Variants in ZFC3H1 observed in about 807,000 individuals in gnomAD.
ZFC3H1 encodes zinc finger C3H1-type containing.
Under a neutral mutation model 243.7 loss-of-function variants are expected in ZFC3H1, and 71 were observed. The observed-to-expected ratio is 0.29, with a 90% confidence interval of 0.24 to 0.36. The LOEUF (loss-of-function observed/expected upper bound fraction) is 0.36. ZFC3H1 is among the 10% of genes least tolerant of loss of function. ZFC3H1 has a pLI of 1.00. For synonymous variants in ZFC3H1, 838 were observed against 813.0 expected, an observed-to-expected ratio of 1.03 and a Z score of -0.52; for missense variants, 1,966 against 2,317.1, an observed-to-expected ratio of 0.85 and a Z score of 3.11.
rs545838078 is a variant in ZFC3H1, at chr12:71,663,292, T to G, written c.319A>C (p.Lys107Gln). The G allele has an allele frequency of 6.2e-6, 10 of 1,613,360 alleles. No homozygotes were observed. The African/African-American group carries it at 1.2e-4, about 19-fold the overall frequency. Reference protein sequence around the residue: ...HLRGPSSYRPKEPFRSHPPSV... With the variant: ...HLRGPSSYRPQEPFRSHPPSV... Reference sequence around the variant, plus strand: ...GGCGGATGAGACCGGAACGGTTCTTTGGGTCGGTAGCTGCTGGGTCCCCTG... The same window carrying G: ...GGCGGATGAGACCGGAACGGTTCTTGGGGTCGGTAGCTGCTGGGTCCCCTG... Residue 107 changes from lysine to glutamine, a missense_variant, in exon 1 of 35, where the codon AAA becomes CAA. By Grantham distance (53) the Lys-to-Gln change is moderately conservative. This residue lies in a region of ZFC3H1 where 484 missense variants were observed against 449.7 expected (regional missense o/e 1.08). Coordinates refer to ENST00000378743, the MANE Select transcript of ZFC3H1 (RefSeq NM_144982.5).
At chr12:71,658,223 G>A (rs751045618) in intron 1 of ZFC3H1, among the ~76,000 whole-genome samples, 6 of 150,810 alleles carry the variant, frequency 4.0e-5, no homozygotes, top group Non-Finnish European at 7.4e-5. Flanking sequence ...ATTTTTCCAG[G>A]CCAGATATTA....
chr12:71,627,167 T>C (rs923630859), intron 21 of ZFC3H1, among the ~76,000 whole-genome samples: 1 of 152,052 alleles, frequency 6.6e-6, no homozygotes, highest in Non-Finnish European at 1.5e-5. Flanking sequence ...TATAAAGTTA[T>C]AATTATGAAA....
intron 23 of ZFC3H1, 138 bp downstream of exon 23, chr12:71,623,966 G>T: frequency 1.2e-6 from 1 of 839,894 alleles, no homozygotes; most frequent in Non-Finnish European, 1.8e-6. Flanking sequence ...AATGTCACAT[G>T]ACTTACTAGT....
At chr12:71,628,891 T>A (rs1249968949) in intron 20 of ZFC3H1, 27 bp downstream of exon 20, 20 of 1,567,248 alleles carry the variant, frequency 1.3e-5, no homozygotes, top group African/African-American at 2.8e-5. Context: ...TTAATAATTC[T>A]GGATCTTAAA....
At chr12:71,661,606 C>A (rs1360173292) in intron 1 of ZFC3H1, among the ~76,000 whole-genome samples, 1 of 151,722 alleles carries the variant, frequency 6.6e-6, no homozygotes, top group Non-Finnish European at 1.5e-5. Flanking sequence ...CTCAGCCTCC[C>A]GGGTAGCTGG....
intron 1 of ZFC3H1, among the ~76,000 whole-genome samples, chr12:71,662,683 TATAAAACAC>T (rs1411297604): frequency 3.3e-5 from 5 of 152,182 alleles, no homozygotes; most frequent in African/African-American, 1.2e-4. Context: ...GTCAACTTCA[TATAAAACAC>T]AAAGTTTCTG....
At chr12:71,653,117 C>A (rs1039382018) in intron 2 of ZFC3H1, among the ~76,000 whole-genome samples, 1 of 151,928 alleles carries the variant, frequency 6.6e-6, no homozygotes, top group Non-Finnish European at 1.5e-5. Flanking sequence ...ACAAAACAGA[C>A]CTATGGTTAA....
Position 71,663,641 on chromosome 12 carries a change from G to C in ZFC3H1, c.-31C>G, listed in dbSNP as rs1161122654. 1 of 1,587,574 alleles carries C rather than the reference G, an allele frequency of 6.3e-7. No individual in the cohort carries two copies. Among genetic ancestry groups the C allele is most frequent in the Non-Finnish European group, 8.6e-7 (1 of 1,169,124 alleles). ...GAGCAGCGCCTTCCACACAACCTTA[G>C]CCCTCCGTCCGGGGATCCGCCCGAC... On this transcript the variant is annotated 5_prime_UTR_variant, in exon 1 of 35. Transcript: ENST00000378743.
chr12:71,636,384 A>T, intron 9 of ZFC3H1, 106 bp downstream of exon 9: 1 of 898,990 alleles, frequency 1.1e-6, no homozygotes, highest in Non-Finnish European at 1.6e-6. Context: ...ATGTGAATAT[A>T]TGTGTGTATA....
intron 22 of ZFC3H1, 93 bp from the exon 23 acceptor site, chr12:71,624,385 G>A: frequency 7.6e-7 from 1 of 1,315,244 alleles, no homozygotes; most frequent in Non-Finnish European, 1.0e-6. Flanking sequence ...CCATCTCATA[G>A]TAAATCTTCA....
intron 27 of ZFC3H1, among the ~76,000 whole-genome samples, chr12:71,617,847 T>A (rs1015142357): frequency 1.3e-5 from 2 of 152,162 alleles, no homozygotes; most frequent in Admixed American, 1.3e-4. Flanking sequence ...GAAGGGCCCT[T>A]TGGGAAGGGC....
At chr12:71,637,566 C>A (rs1380150148) in intron 7 of ZFC3H1, among the ~76,000 whole-genome samples, 1 of 152,162 alleles carries the variant, frequency 6.6e-6, no homozygotes, top group East Asian at 1.9e-4. Flanking sequence ...TAAAGAATAT[C>A]TATAAAGGAA....
intron 3 of ZFC3H1, among the ~76,000 whole-genome samples, chr12:71,647,139 A>G (rs549482953): frequency 1.8e-4 from 28 of 152,318 alleles, no homozygotes; most frequent in Middle Eastern, 6.8e-3. Context: ...AAAAAAACAA[A>G]CTGAAATCTC....
chr12:71,629,377 G>A (rs1880256558), intron 19 of ZFC3H1, among the ~76,000 whole-genome samples: 1 of 151,878 alleles, frequency 6.6e-6, no homozygotes, highest in Non-Finnish European at 1.5e-5. Flanking sequence ...ATGTTGGCCA[G>A]GCTGGTCTCG....
Position 71,610,772 on chromosome 12 carries a change from T to C in ZFC3H1, c.5770-15A>G, listed in dbSNP as rs1470478188. 3 of 1,608,200 alleles carry C rather than the reference T, an allele frequency of 1.9e-6. No individual in the cohort carries two copies. The Admixed American group carries it at 5.0e-5, about 27-fold the overall frequency. On this transcript the variant is annotated splice_polypyrimidine_tract_variant and intron_variant, in intron 33 of 34. Transcript: ENST00000378743. Reference sequence around the variant, plus strand: ...AAACGGTGGACCTGTAAGATAGATATACACACAATTCCATCAGAAAATATA... The same window carrying C: ...AAACGGTGGACCTGTAAGATAGATACACACACAATTCCATCAGAAAATATA...
intron 32 of ZFC3H1, 152 bp from the exon 33 acceptor site, chr12:71,611,249 G>A (rs530299344): frequency 2.9e-6 from 2 of 678,078 alleles, no homozygotes; most frequent in African/African-American, 1.9e-5. Flanking sequence ...AACTTCCAAG[G>A]AGGAAAACCT....
At chr12:71,611,197 G>A in intron 32 of ZFC3H1, 100 bp from the exon 33 acceptor site, 1 of 1,228,572 alleles carries the variant, frequency 8.1e-7, no homozygotes, top group Admixed American at 3.0e-5. Context: ...AATACTGACT[G>A]TGGGAATCTG....
intron 21 of ZFC3H1, among the ~76,000 whole-genome samples, chr12:71,627,126 TAAA>T (rs35254500): frequency 1.4e-5 from 2 of 147,484 alleles, no homozygotes; most frequent in Non-Finnish European, 3.0e-5. Flanking sequence ...AAGAAACGTG[TAAA>T]AAAAAAAAAC....
intron 10 of ZFC3H1, among the ~76,000 whole-genome samples, chr12:71,635,069 C>T (rs910611105): frequency 1.3e-5 from 2 of 152,024 alleles, no homozygotes; most frequent in Non-Finnish European, 1.5e-5. Flanking sequence ...TAAACAACTA[C>T]TGAAATAGGG....
Sources: gnomAD v4.1 joint callset for allele counts (sites outside exome capture counted in the v4.1 genomes callset) on GRCh38, gnomAD v4.1.1 for gene constraint, gnomAD v4.1.1 regional missense constraint, MANE v1.5 for transcripts, NCBI Gene and HGNC (gene_info 2026-07-23, HGNC 2026-07-21) for gene names.